Variants in CSNK1G1 observed in about 807,000 individuals in gnomAD.
CSNK1G1 encodes the protein casein kinase 1 gamma 1, also known as casein kinase I isoform gamma-1.
CSNK1G1 carries 22 observed loss-of-function variants against 59.6 expected under a neutral mutation model. The observed-to-expected ratio is 0.37, with a 90% CI of 0.26 to 0.53. The LOEUF (loss-of-function observed/expected upper bound fraction) is 0.53. Ranked by LOEUF, CSNK1G1 falls within the 20% of genes least tolerant of loss-of-function variation. CSNK1G1 has a pLI of 0.89. For synonymous variants in CSNK1G1, 179 were observed against 177.1 expected (o/e 1.01, Z -0.08); for missense variants, 384 against 519.5 (o/e 0.74, Z 2.54).
intron 10 of CSNK1G1, chr15:64,181,600 C>A: frequency 1.6e-6 from 1 of 634,466 alleles, no homozygotes; most frequent in Non-Finnish European, 2.5e-6. Context: ...AGGGAAGCAG[C>A]ATAGTGTAGA....
intron 4 of CSNK1G1, among the ~76,000 whole-genome samples, chr15:64,235,291 G>A (rs2140297119): frequency 6.6e-6 from 1 of 152,252 alleles, no homozygotes; most frequent in Non-Finnish European, 1.5e-5. Context: ...TCAAAACAGT[G>A]TTGACTAAGA....
chr15:64,284,822 A>G (rs1894323422), intron 2 of CSNK1G1, among the ~76,000 whole-genome samples: 1 of 152,040 alleles, frequency 6.6e-6, no homozygotes, highest in South Asian at 2.1e-4. Flanking sequence ...GCTTATTAAC[A>G]CAAGTGATAT....
chr15:64,247,813 T>C (rs1566918472), intron 4 of CSNK1G1, among the ~76,000 whole-genome samples: 1 of 152,234 alleles, frequency 6.6e-6, no homozygotes, highest in Non-Finnish European at 1.5e-5. Flanking sequence ...GTTCCTATTT[T>C]AGGAATTTAA....
intron 2 of CSNK1G1, among the ~76,000 whole-genome samples, chr15:64,283,632 C>T (rs566080818): frequency 9.4e-4 from 143 of 151,840 alleles, no homozygotes; most frequent in African/African-American, 3.3e-3. Flanking sequence ...TACAGAAGCA[C>T]ACCAACGCAC....
At chr15:64,256,494 A>AG (rs1460337031) in intron 3 of CSNK1G1, among the ~76,000 whole-genome samples, 1 of 152,236 alleles carries the variant, frequency 6.6e-6, no homozygotes, top group Non-Finnish European at 1.5e-5. Flanking sequence ...CCAACTCCTT[A>AG]GCACATGGCC....
In CSNK1G1 at chr15:64,188,701, C is replaced by G. The variant is rs2140224124; in HGVS notation, c.1108-8247G>C. On this transcript the variant is annotated intron_variant, in intron 10 of 11. Coordinates refer to ENST00000303052, the MANE Select transcript of CSNK1G1 (RefSeq NM_022048.5). This position sits in a 1 kb window ranked among gnomAD's most constrained non-coding sequence, Gnocchi z 4.2. ...AATACATGAATCTATATCACACCCT[C>G]CTTACCCAGAACCAGAAAACCAATA... Among the ~76,000 whole-genome samples the G allele has an allele frequency of 6.6e-6, 1 of 152,212 alleles. No homozygotes were observed. The highest frequency in any genetic ancestry group is 2.4e-5 in the African/African-American group (1 of 41,550).
chr15:64,352,266 G>A (rs1270406809), intron 1 of CSNK1G1, among the ~76,000 whole-genome samples: 1 of 151,410 alleles, frequency 6.6e-6, no homozygotes, highest in Non-Finnish European at 1.5e-5. Flanking sequence ...AGATAGTGCC[G>A]CTGCACTCCA....
intron 6 of CSNK1G1, among the ~76,000 whole-genome samples, chr15:64,208,283 G>A (rs776725077): frequency 2.6e-5 from 4 of 152,018 alleles, no homozygotes; most frequent in East Asian, 1.9e-4. Context: ...GGATCGCTTC[G>A]GCCCAGGAGT....
intron 10 of CSNK1G1, chr15:64,181,222 G>T (rs927921138): frequency 2.9e-5 from 45 of 1,534,998 alleles, no homozygotes; most frequent in Admixed American, 3.9e-5. Context: ...TGCCATCCCA[G>T]TTCTCACTGA....
intron 4 of CSNK1G1, among the ~76,000 whole-genome samples, chr15:64,246,484 A>G (rs1471748165): frequency 6.6e-6 from 1 of 152,080 alleles, no homozygotes; most frequent in Non-Finnish European, 1.5e-5. Context: ...TTAGCCAGCT[A>G]TGGTGCATTG....
intron 1 of CSNK1G1, among the ~76,000 whole-genome samples, chr15:64,301,243 A>G (rs890296015): frequency 1.3e-5 from 2 of 152,096 alleles, no homozygotes; most frequent in African/African-American, 4.8e-5. Context: ...CCAAAACTCT[A>G]TTGGTATTAA....
chr15:64,300,884 T>A (rs1406680881), intron 1 of CSNK1G1, among the ~76,000 whole-genome samples, 161 bp from the exon 2 acceptor site: 3 of 152,206 alleles, frequency 2.0e-5, no homozygotes, highest in Non-Finnish European at 4.4e-5. Context: ...ACCATCTGGA[T>A]TAGTTATTCA....
At chr15:64,308,965 T>A (rs752824948) in intron 1 of CSNK1G1, among the ~76,000 whole-genome samples, 16 of 152,118 alleles carry the variant, frequency 1.1e-4, no homozygotes, top group Non-Finnish European at 2.1e-4. Context: ...CTCTTCCGCT[T>A]AATTTCTGTT....
In CSNK1G1 at chr15:64,355,423, G is replaced by A. The variant is rs538021852; in HGVS notation, c.-225+565C>T. On this transcript the variant is annotated intron_variant, in intron 1 of 11. Coordinates refer to ENST00000303052, the MANE Select transcript of CSNK1G1 (RefSeq NM_022048.5). ...GACATTGCTCCTGTAGGACGTGGGG[G>A]CGAGGAAACAGTAAAGGAAGAAGTG... is the stretch of plus-strand genomic sequence containing the variant. 1.2e-4 allele frequency among the ~76,000 whole-genome samples: 18 copies of A among 152,302 alleles called. No individual in the cohort carries two copies. In the South Asian group the frequency reaches 3.7e-3, roughly 32 times the overall value.
intron 6 of CSNK1G1, among the ~76,000 whole-genome samples, chr15:64,213,460 A>G (rs2082273564): frequency 6.6e-6 from 1 of 152,232 alleles, no homozygotes; most frequent in Non-Finnish European, 1.5e-5. Context: ...TCTTCCTTGA[A>G]GACTTCTGTG....
At chr15:64,215,341 T>C (rs2082298210) in intron 5 of CSNK1G1, among the ~76,000 whole-genome samples, 1 of 151,064 alleles carries the variant, frequency 6.6e-6, no homozygotes, top group Admixed American at 6.6e-5. Context: ...GCCTCCTGAG[T>C]AGCTGGGACT....
At chr15:64,199,262 A>G (rs1596080933) in intron 10 of CSNK1G1, among the ~76,000 whole-genome samples, 1 of 150,220 alleles carries the variant, frequency 6.7e-6, no homozygotes, top group South Asian at 2.2e-4. Context: ...AAAAAAAAAA[A>G]AAAAAAAAAA....
chr15:64,187,589 C>T lies in CSNK1G1; in HGVS notation c.1108-7135G>A, dbSNP rs2081914658. 2.6e-5 allele frequency among the ~76,000 whole-genome samples: 4 copies of T among 152,278 alleles called. No homozygotes were observed. The South Asian group carries it at 8.3e-4, about 32-fold the overall frequency. On this transcript the variant is annotated intron_variant, in intron 10 of 11. Transcript: ENST00000303052. The stretch of plus-strand genomic sequence containing the variant: ...GTGATTAAGATCTTTCCATGAATCA[C>T]TCCTTGTAACAGCATATCCTAGATG...
chr15:64,294,507 A>T (rs924787921), intron 2 of CSNK1G1, among the ~76,000 whole-genome samples: 1 of 152,304 alleles, frequency 6.6e-6, no homozygotes, highest in East Asian at 1.9e-4. Flanking sequence ...TTAAAAAAAA[A>T]TTTTAAGCAA....
Sources: gnomAD v4.1 joint callset for allele counts (sites outside exome capture counted in the v4.1 genomes callset) on GRCh38, gnomAD v4.1.1 for gene constraint, Gnocchi (gnomAD v3.1) non-coding constraint, MANE v1.5 for transcripts, NCBI Gene and HGNC (gene_info 2026-07-23, HGNC 2026-07-21) for gene names.